The following CDH13 variants were observed in gnomAD, a reference collection of about 807,000 sequenced individuals.
The protein encoded by CDH13 is cadherin-13.
Under a neutral mutation model 63.8 loss-of-function variants are expected in CDH13, and 24 were observed. The ratio of observed to expected loss-of-function variants is 0.38; its 90% CI spans 0.27 to 0.53. CDH13 has a LOEUF of 0.53. CDH13 is among the 20% of genes least tolerant of loss of function. The pLI is 0.85. For synonymous variants in CDH13, 503 were observed against 355.3 expected, an observed-to-expected ratio of 1.42 and a Z score of -4.67; for missense variants, 1,049 against 903.1, an observed-to-expected ratio of 1.16 and a Z score of -2.07.
chr16:83,741,991 G>T (rs554110025), intron 10 of CDH13, among the ~76,000 whole-genome samples: 1 of 152,210 alleles, frequency 6.6e-6, no homozygotes, highest in East Asian at 1.9e-4. Flanking sequence ...TGTCTTCCAC[G>T]AAACCAGTCC....
intron 5 of CDH13, among the ~76,000 whole-genome samples, chr16:83,262,806 T>G (rs1377193794): frequency 6.6e-6 from 1 of 152,158 alleles, no homozygotes; most frequent in East Asian, 1.9e-4. Flanking sequence ...ATATTTGGGG[T>G]GGTTTCAATG....
intron 2 of CDH13, among the ~76,000 whole-genome samples, chr16:82,988,285 G>A (rs2151398146): frequency 6.6e-6 from 1 of 152,312 alleles, no homozygotes; most frequent in South Asian, 2.1e-4. Flanking sequence ...GAAATGCACT[G>A]GGGGCATCCA....
rs936297372 is a variant in CDH13 at position 83,751,426 on chromosome 16, C to A, written c.1681+3176C>A. On this transcript the variant is annotated intron_variant, in intron 11 of 13. Transcript: ENST00000567109. ...CCTGGCCAACATGGCAAAACCCCATCTCTACTAAAAAAAAAATATACCTCC... is the reference window on the plus strand; with the variant it reads ...CCTGGCCAACATGGCAAAACCCCATATCTACTAAAAAAAAAATATACCTCC... Among the ~76,000 whole-genome samples the A allele has an allele frequency of 2.2e-5, 3 of 138,232 alleles. No homozygotes were observed. The East Asian group carries it at 6.0e-4, about 28-fold the overall frequency. The allele number at this position is 138,232 out of a possible 152,430, so 90.7% of individuals were successfully genotyped here.
At chr16:82,997,037 G>GATA (rs1912304936) in intron 2 of CDH13, among the ~76,000 whole-genome samples, 1 of 122,868 alleles carries the variant, frequency 8.1e-6, no homozygotes, top group South Asian at 2.5e-4. Context: ...TGATGGTGGT[G>GATA]ATGATGATGA....
At chr16:83,462,746 A>AT (rs1187555566) in intron 6 of CDH13, among the ~76,000 whole-genome samples, 1 of 152,214 alleles carries the variant, frequency 6.6e-6, no homozygotes, top group Non-Finnish European at 1.5e-5. Context: ...ACAGAGTGAG[A>AT]TTCTGCCTCA....
intron 3 of CDH13, among the ~76,000 whole-genome samples, chr16:83,036,927 G>A (rs1597195560): frequency 6.6e-6 from 1 of 152,152 alleles, no homozygotes. Context: ...GGAACAGAAA[G>A]GGAATGCTAA....
chr16:83,599,018 A>G (rs892305801), intron 7 of CDH13, among the ~76,000 whole-genome samples: 4 of 152,206 alleles, frequency 2.6e-5, no homozygotes, highest in South Asian at 2.1e-4. Context: ...GGCCTGAACC[A>G]TATGACCATC....
rs539972583 is a variant in CDH13 at position 83,139,232 on chromosome 16, C to T, written c.483+13731C>T. 4.6e-5 allele frequency among the ~76,000 whole-genome samples: 7 copies of T among 152,316 alleles called. No homozygotes were observed. In the East Asian group the frequency reaches 9.6e-4, roughly 21 times the overall value. On this transcript the variant is annotated intron_variant, in intron 4 of 13. Transcript: ENST00000567109. The stretch of plus-strand genomic sequence containing the variant: ...AGACGGATTCATTTTGCACCAGTGA[C>T]AGGCTTGAGGGAACACCAGCGTGTC...
chr16:83,626,294 C>T (rs2150785625), intron 8 of CDH13, among the ~76,000 whole-genome samples: 1 of 152,280 alleles, frequency 6.6e-6, no homozygotes, highest in East Asian at 1.9e-4. Context: ...TGCAGGAAAG[C>T]ACCAGCCATC....
chr16:83,356,697 A>C (rs753962468), intron 6 of CDH13, among the ~76,000 whole-genome samples: 1 of 152,160 alleles, frequency 6.6e-6, no homozygotes, highest in Non-Finnish European at 1.5e-5. Flanking sequence ...CTTCTTAACC[A>C]AATGGAAGAG....
At chr16:83,390,368 G>A (rs2091762575) in intron 6 of CDH13, among the ~76,000 whole-genome samples, 3 of 152,116 alleles carry the variant, frequency 2.0e-5, no homozygotes, top group Admixed American at 2.0e-4. Flanking sequence ...TACTATGGAG[G>A]TGGAACCATG....
intron 5 of CDH13, among the ~76,000 whole-genome samples, chr16:83,331,894 C>G (rs533310748): frequency 6.6e-6 from 1 of 152,174 alleles, no homozygotes; most frequent in African/African-American, 2.4e-5. Flanking sequence ...TATCTTTAAG[C>G]AATATTGTAA....
chr16:82,962,774 A>G (rs1280673019), intron 2 of CDH13, among the ~76,000 whole-genome samples: 1 of 152,184 alleles, frequency 6.6e-6, no homozygotes, highest in African/African-American at 2.4e-5. Context: ...AGGTGTCAGT[A>G]TCTTGTAACA....
At chr16:83,680,773 C>T (rs1026416408) in intron 10 of CDH13, among the ~76,000 whole-genome samples, 2 of 152,060 alleles carry the variant, frequency 1.3e-5, no homozygotes, top group African/African-American at 2.4e-5. Context: ...GTACCCAACT[C>T]ACAGTGACTT....
chr16:83,632,060 C>T (rs759125924), intron 8 of CDH13, among the ~76,000 whole-genome samples: 7 of 152,160 alleles, frequency 4.6e-5, no homozygotes, highest in African/African-American at 9.7e-5. Context: ...TAAAGAAGAA[C>T]GAACCCAATT....
At chr16:83,489,822 T>C (rs1462667987) in intron 7 of CDH13, among the ~76,000 whole-genome samples, 1 of 152,222 alleles carries the variant, frequency 6.6e-6, no homozygotes, top group African/African-American at 2.4e-5. Flanking sequence ...TACAGACTTT[T>C]GCAGCATTCA....
At chr16:83,255,977 C>A (rs943292516) in intron 5 of CDH13, among the ~76,000 whole-genome samples, 2 of 152,074 alleles carry the variant, frequency 1.3e-5, no homozygotes, top group South Asian at 4.2e-4. Flanking sequence ...TTGATGCAGA[C>A]CCAACTTCCT....
At chr16:82,909,667 A>C (rs1448438408) in intron 2 of CDH13, among the ~76,000 whole-genome samples, 3 of 152,048 alleles carry the variant, frequency 2.0e-5, no homozygotes, top group African/African-American at 7.2e-5. Context: ...AAACCACCGG[A>C]TCTCATGAGA....
At chr16:82,950,990 C>T (rs936508603) in intron 2 of CDH13, among the ~76,000 whole-genome samples, 2 of 152,190 alleles carry the variant, frequency 1.3e-5, no homozygotes, top group South Asian at 2.1e-4. Flanking sequence ...TTAGATGTTG[C>T]GCATCACCAT....
Sources: gnomAD v4.1 joint callset for allele counts (sites outside exome capture counted in the v4.1 genomes callset) on GRCh38, gnomAD v4.1.1 for gene constraint, MANE v1.5 for transcripts, NCBI Gene and HGNC (gene_info 2026-07-23, HGNC 2026-07-21) for gene names.